Variants in SLC17A8 observed in about 807,000 individuals in gnomAD.
SLC17A8 encodes the protein vesicular glutamate transporter 3.
A neutral mutation model predicts 58.0 loss-of-function variants in SLC17A8; 31 were observed. That is an observed-to-expected ratio of 0.53 (90% CI 0.40 to 0.72). SLC17A8 has a LOEUF of 0.72. SLC17A8 is among the 30% of genes least tolerant of loss of function. The pLI, the probability that SLC17A8 is intolerant of heterozygous loss-of-function variation, is 0.00. For missense variants in SLC17A8, 655 were observed against 727.8 expected (o/e 0.90, Z 1.15); for synonymous variants, 228 against 249.0 (o/e 0.92, Z 0.79).
chr12:100,369,174 G>A (rs1252250832), intron 1 of SLC17A8, among the ~76,000 whole-genome samples: 1 of 152,172 alleles, frequency 6.6e-6, no homozygotes, highest in Non-Finnish European at 1.5e-5. Context: ...TACTCAGGAG[G>A]CTGAGGCAGG....
chr12:100,383,369 G>T (rs1952650437), intron 2 of SLC17A8, among the ~76,000 whole-genome samples: 1 of 152,146 alleles, frequency 6.6e-6, no homozygotes, highest in South Asian at 2.1e-4. Flanking sequence ...TTTTCCTCTG[G>T]ACTCAGGAGT....
Position 100,421,472 on chromosome 12 carries a change from T to C in SLC17A8, c.*1313T>C, listed in dbSNP as rs554838343. 3 of 152,254 alleles carry C rather than the reference T, an allele frequency of 2.0e-5. No homozygotes were observed. The highest frequency in any genetic ancestry group is 3.9e-4 in the East Asian group (2 of 5,176). The allele number at this position is 152,254 out of a possible 1,614,324, so 9.4% of individuals were successfully genotyped here. A position where few individuals can be genotyped will look rare whatever the true frequency, so the allele number is the denominator to read the frequency against. On this transcript the variant is annotated 3_prime_UTR_variant, in exon 12 of 12. Coordinates refer to ENST00000323346, the MANE Select transcript of SLC17A8 (RefSeq NM_139319.3). The stretch of plus-strand genomic sequence containing the variant: ...TTACTGTTGAAAAATTCACCTTTGA[T>C]TGCATAAGGCAATTACATGGATACT...
At chr12:100,385,116 C>G (rs7315426) in intron 2 of SLC17A8, among the ~76,000 whole-genome samples, 24,042 of 148,726 alleles carry the variant, frequency 0.16, 2,275 homozygotes, top group East Asian at 0.33. Flanking sequence ...CTCTCTCTCT[C>G]TGTGTGTGTG....
intron 2 of SLC17A8, among the ~76,000 whole-genome samples, chr12:100,387,421 T>A (rs758487893): frequency 1.4e-4 from 21 of 152,230 alleles, no homozygotes; most frequent in Non-Finnish European, 2.4e-4. Context: ...TCTATTCAAG[T>A]CTTTAGTCCA....
At position 100,404,019 on chromosome 12, in the gene SLC17A8, C is replaced by T; in HGVS notation, c.1054-19C>T. On this transcript the variant is annotated intron_variant, in intron 8 of 11. Transcript: ENST00000323346. Reference sequence around the variant, plus strand: ...CTCAGAAATAATGACAAACTGCTTACTGTTTCTTTCCCTTCCAGGTGGGTC... The same window carrying T: ...CTCAGAAATAATGACAAACTGCTTATTGTTTCTTTCCCTTCCAGGTGGGTC... 2 of 1,614,026 alleles carry T rather than the reference C, an allele frequency of 1.2e-6. No homozygotes were observed. Among genetic ancestry groups the T allele is most frequent in the Non-Finnish European group, 1.7e-6 (2 of 1,179,964 alleles).
chr12:100,390,834 T>C lies in SLC17A8; in HGVS notation c.355-167T>C, dbSNP rs1387739586. 2.6e-5 allele frequency among the ~76,000 whole-genome samples: 4 copies of C among 152,052 alleles called. No homozygotes were observed. In the East Asian group the frequency reaches 7.7e-4, roughly 29 times the overall value. Reference sequence around the variant, plus strand: ...ACACCACTACGCCTGGCCCAGGACTTTTGCTTGCTGCTATCCCCAAGTATG... The same window carrying C: ...ACACCACTACGCCTGGCCCAGGACTCTTGCTTGCTGCTATCCCCAAGTATG... On this transcript the variant is annotated intron_variant, in intron 2 of 11. Coordinates refer to ENST00000323346, the MANE Select transcript of SLC17A8 (RefSeq NM_139319.3).
At position 100,384,472 on chromosome 12, in the gene SLC17A8, G is replaced by A. The variant is rs148265681; in HGVS notation, c.354+3519G>A. Among the ~76,000 whole-genome samples the A allele has an allele frequency of 3.0e-4, 45 of 152,200 alleles. No individual in the cohort carries two copies. In the East Asian group the frequency reaches 7.7e-3, roughly 26 times the overall value. ...AAAAAATTTGGCCAGACATGGTGGC[G>A]CACACCTGTAGTACCAGCTACTTGG... is the stretch of plus-strand genomic sequence containing the variant. On this transcript the variant is annotated intron_variant, in intron 2 of 11. Transcript: ENST00000323346.
chr12:100,404,501 T>C (rs1952812906), intron 9 of SLC17A8: 1 of 220,270 alleles, frequency 4.5e-6, no homozygotes, highest in African/African-American at 2.9e-5. Context: ...ATGGGATATA[T>C]GCACACACAC....
intron 9 of SLC17A8, among the ~76,000 whole-genome samples, chr12:100,410,414 G>A (rs546190492): frequency 7.7e-4 from 116 of 151,382 alleles, no homozygotes; most frequent in Non-Finnish European, 1.5e-3. Context: ...AGAAGGGCAC[G>A]AACCCGGGAG....
rs745326282 is a variant in SLC17A8, at chr12:100,402,577, T to C, written c.904-19T>C. The C allele has an allele frequency of 5.0e-6, 8 of 1,613,462 alleles. No individual in the cohort carries two copies. The highest frequency in any genetic ancestry group is 6.8e-6 in the Non-Finnish European group (8 of 1,179,612). ...GTCAATATCTTTACTAAAAATATCA[T>C]GGTATTTTTACTCCCTAGAAATTTA... On this transcript the variant is annotated intron_variant, in intron 7 of 11. Transcript: ENST00000323346.
At chr12:100,382,152 G>A (rs969151053) in intron 2 of SLC17A8, among the ~76,000 whole-genome samples, 1 of 152,220 alleles carries the variant, frequency 6.6e-6, no homozygotes, top group South Asian at 2.1e-4. Context: ...TGGAGGCAGC[G>A]AAGTAAATAG....
intron 9 of SLC17A8, among the ~76,000 whole-genome samples, chr12:100,410,469 T>A (rs568417955): frequency 1.2e-3 from 169 of 143,416 alleles, no homozygotes; most frequent in African/African-American, 4.3e-3. Flanking sequence ...CCCTCCAGCC[T>A]GGGTGACAGA....
rs926859047 is a variant in SLC17A8, at chr12:100,421,126, T to A, written c.*967T>A. The A allele has an allele frequency of 3.3e-5, 5 of 152,338 alleles. No homozygotes were observed. 9.4% of individuals were successfully genotyped at this position (152,338 alleles called of 1,614,324 possible). A position where few individuals can be genotyped will look rare whatever the true frequency, so the allele number is the denominator to read the frequency against. On this transcript the variant is annotated 3_prime_UTR_variant, in exon 12 of 12. Transcript: ENST00000323346. ...GCTATTAAATTTCAACTTTCCATAA[T>A]ATTAAGAATGTAGCTAAATGATGTC...
Position 100,418,136 on chromosome 12 carries a change from G to A in SLC17A8, c.1405G>A (p.Gly469Ser), listed in dbSNP as rs747411001. 9 of 1,613,870 alleles carry A rather than the reference G, an allele frequency of 5.6e-6. No individual in the cohort carries two copies. The East Asian group carries it at 8.9e-5, about 16-fold the overall frequency. ...LSGMVCPLIV[G>S]AMTRHKTREE... ...TGGAATGGTCTGTCCCCTCATTGTC[G>A]GTGCAATGACCAGGCACAAGGTAAA... Residue 469 changes from glycine to serine, a missense_variant, in exon 11 of 12, where the codon GGT (glycine) becomes AGT (serine). Coordinates refer to ENST00000323346, the MANE Select transcript of SLC17A8 (RefSeq NM_139319.3).
At chr12:100,392,414 G>A (rs1952723236) in intron 3 of SLC17A8, among the ~76,000 whole-genome samples, 1 of 152,022 alleles carries the variant, frequency 6.6e-6, no homozygotes, top group East Asian at 1.9e-4. Context: ...GGACTGGGTT[G>A]CAATATAAAA....
intron 9 of SLC17A8, among the ~76,000 whole-genome samples, chr12:100,411,371 TTGGGAG>T (rs1952866407): frequency 6.6e-6 from 1 of 152,116 alleles, no homozygotes; most frequent in Non-Finnish European, 1.5e-5. Context: ...TCCCAGCTAC[TTGGGAG>T]GCTGAGGCAG....
At chr12:100,368,372 C>A (rs778421014) in intron 1 of SLC17A8, among the ~76,000 whole-genome samples, 4 of 152,136 alleles carry the variant, frequency 2.6e-5, no homozygotes, top group African/African-American at 4.8e-5. Context: ...TTCAAATTCC[C>A]CTCTTCTTAT....
At chr12:100,364,887 C>G (rs1273587624) in intron 1 of SLC17A8, among the ~76,000 whole-genome samples, 1 of 152,252 alleles carries the variant, frequency 6.6e-6, no homozygotes, top group African/African-American at 2.4e-5. Flanking sequence ...TCAGGGCCAT[C>G]CCTGGGTGGG....
At chr12:100,364,431 T>C (rs1395361200) in intron 1 of SLC17A8, among the ~76,000 whole-genome samples, 2 of 152,212 alleles carry the variant, frequency 1.3e-5, no homozygotes, top group African/African-American at 4.8e-5. Flanking sequence ...ATTAGTCTTG[T>C]TGCTGACCGC....
Sources: allele counts gnomAD v4.1 joint callset (sites outside exome capture counted in the v4.1 genomes callset), GRCh38; gene constraint gnomAD v4.1.1; transcripts MANE v1.5; gene names NCBI Gene and HGNC (gene_info 2026-07-23, HGNC 2026-07-21).